The following SLC30A9 variants were observed in gnomAD, a reference collection of about 807,000 sequenced individuals.
SLC30A9 encodes proton-coupled zinc antiporter SLC30A9, mitochondrial.
In SLC30A9, 58 loss-of-function variants were observed where a neutral mutation model predicts 87.5. The ratio of observed to expected loss-of-function variants is 0.66; its 90% CI spans 0.54 to 0.82. The LOEUF (loss-of-function observed/expected upper bound fraction) is 0.82, where lower values mean the gene tolerates loss of function less well. Among genes scored for constraint, SLC30A9 ranks in the 40% least tolerant of loss-of-function variants. The pLI is 0.00. For synonymous variants in SLC30A9, 234 were observed against 233.0 expected (o/e 1.00, Z -0.04); for missense variants, 557 against 679.1 (o/e 0.82, Z 2.00).
intron 2 of SLC30A9, among the ~76,000 whole-genome samples, chr4:42,003,560 T>C (rs1715073124): frequency 6.6e-6 from 1 of 152,178 alleles, no homozygotes; most frequent in Non-Finnish European, 1.5e-5. Flanking sequence ...TGTTTTTCTT[T>C]AGTGAGCTCT....
chr4:42,003,997 G>A (rs1242061910), intron 2 of SLC30A9, among the ~76,000 whole-genome samples: 1 of 152,124 alleles, frequency 6.6e-6, no homozygotes, highest in Admixed American at 6.5e-5. Context: ...TATAAAGTAT[G>A]CATTGTTGCT....
At chr4:42,078,932 T>C (rs533105583) in intron 17 of SLC30A9, 1 of 152,312 alleles carries the variant, frequency 6.6e-6, no homozygotes, top group Non-Finnish European at 1.5e-5. Flanking sequence ...AAGGCAGTGC[T>C]TTTTCTGCAG....
chr4:42,084,026 G>A (rs1718831430), intron 17 of SLC30A9, among the ~76,000 whole-genome samples: 1 of 152,098 alleles, frequency 6.6e-6, no homozygotes, highest in African/African-American at 2.4e-5. Context: ...TTTTATAACT[G>A]GATGCCTTTA....
chr4:41,993,376 C>T (rs953470259), intron 1 of SLC30A9, among the ~76,000 whole-genome samples: 1 of 152,192 alleles, frequency 6.6e-6, no homozygotes, highest in Non-Finnish European at 1.5e-5. Flanking sequence ...ACAGTGACTA[C>T]TCAATTAGAT....
intron 10 of SLC30A9, among the ~76,000 whole-genome samples, chr4:42,061,905 A>C (rs1340095260): frequency 6.8e-6 from 1 of 146,438 alleles, no homozygotes; most frequent in African/African-American, 2.5e-5. Flanking sequence ...CGTTTCAAAA[A>C]AAAAAAATGT....
intron 10 of SLC30A9, among the ~76,000 whole-genome samples, chr4:42,060,792 C>A (rs1717812826): frequency 2.0e-5 from 3 of 152,038 alleles, no homozygotes; most frequent in African/African-American, 7.2e-5. Flanking sequence ...CCATCTAACA[C>A]TTTTGAATTC....
chr4:42,053,679 AGAGTGACTC>A (rs1441390399), intron 9 of SLC30A9, among the ~76,000 whole-genome samples: 1 of 130,260 alleles, frequency 7.7e-6, no homozygotes, highest in African/African-American at 3.1e-5. Context: ...CTGGATGACA[AGAGTGACTC>A]GGTCTCCAAA....
At position 42,070,528 on chromosome 4, in the gene SLC30A9, A is replaced by G; in HGVS notation, c.1255A>G (p.Asn419Asp). ...TCMGLTSITG[N>D]PLYDSLGSLG... Reference sequence around the variant, plus strand: ...ATTTTTTTATGTGCTTCATTTAGGCAATCCACTGTATGACAGCCTAGGTTC... The same window carrying G: ...ATTTTTTTATGTGCTTCATTTAGGCGATCCACTGTATGACAGCCTAGGTTC... Residue 419 changes from asparagine to aspartate, a missense_variant and splice_region_variant, in exon 15 of 18, where the codon AAT becomes GAT. Coordinates refer to ENST00000264451, the MANE Select transcript of SLC30A9 (RefSeq NM_006345.4). 6.2e-7 allele frequency: 1 copy of G among 1,609,332 alleles called. No individual in the cohort carries two copies. The highest frequency in any genetic ancestry group is 8.5e-7 in the Non-Finnish European group (1 of 1,177,412).
chr4:42,044,936 C>G (rs1376455505), intron 8 of SLC30A9, among the ~76,000 whole-genome samples: 1 of 152,176 alleles, frequency 6.6e-6, no homozygotes, highest in East Asian at 1.9e-4. Flanking sequence ...TACATGGAAA[C>G]TGAACAACCT....
In SLC30A9 at chr4:42,054,854, C is replaced by T. The variant is rs200995351; in HGVS notation, c.841-5337C>T. Among the ~76,000 whole-genome samples, 68 of 151,990 alleles carry T rather than the reference C, an allele frequency of 4.5e-4. 4 individuals carry two copies. Among genetic ancestry groups the T allele is most frequent in the Admixed American group, 3.5e-3 (53 of 15,274 alleles). ...GATAATAGTCTTGTGGCTGTATTTT[C>T]TAAAAAGCCTAGTTTTTAAAGAGAT... On this transcript the variant is annotated intron_variant, in intron 9 of 17. Transcript: ENST00000264451.
chr4:42,013,637 T>C (rs1196711713), intron 2 of SLC30A9, among the ~76,000 whole-genome samples: 1 of 152,096 alleles, frequency 6.6e-6, no homozygotes, highest in Non-Finnish European at 1.5e-5. Context: ...AAAACATACA[T>C]TGGGGAAAGG....
At chr4:42,020,971 C>A (rs1326123175) in intron 4 of SLC30A9, among the ~76,000 whole-genome samples, 2 of 152,234 alleles carry the variant, frequency 1.3e-5, no homozygotes, top group African/African-American at 4.8e-5. Context: ...TTACTACTTT[C>A]CAATATCTGT....
intron 1 of SLC30A9, among the ~76,000 whole-genome samples, chr4:41,997,237 A>C (rs1247626807): frequency 1.3e-5 from 2 of 151,630 alleles, no homozygotes; most frequent in African/African-American, 2.4e-5. Flanking sequence ...AGACTGAGCT[A>C]CTCCATCCAG....
chr4:42,087,898 GA>G lies in SLC30A9; in HGVS notation c.*1777del. The G allele has an allele frequency of 6.6e-6, 1 of 150,746 alleles. No individual in the cohort carries two copies. Among genetic ancestry groups the G allele is most frequent in the Non-Finnish European group, 1.5e-5 (1 of 67,872 alleles). The allele number at this position is 150,746 out of a possible 1,614,324, so 9.3% of individuals were successfully genotyped here. ...AGTTTCCTCCTAGTGATATTACTCT[GA>G]AAAATTTCACAAAGCCAGACAAGAA... On this transcript the variant is annotated 3_prime_UTR_variant, in exon 18 of 18. Transcript: ENST00000264451.
At chr4:42,081,779 C>T (rs1718747311) in intron 17 of SLC30A9, among the ~76,000 whole-genome samples, 2 of 151,748 alleles carry the variant, frequency 1.3e-5, no homozygotes, top group African/African-American at 4.9e-5. Context: ...AACAATCAGA[C>T]CTTATTGTTT....
At chr4:42,022,350 C>T (rs1413740042) in intron 4 of SLC30A9, among the ~76,000 whole-genome samples, 1 of 150,740 alleles carries the variant, frequency 6.6e-6, no homozygotes, top group African/African-American at 2.4e-5. Flanking sequence ...GCCTCAGCCT[C>T]CTGAGTAGCT....
chr4:42,044,912 C>CA (rs1159772879), intron 8 of SLC30A9, among the ~76,000 whole-genome samples: 1 of 152,178 alleles, frequency 6.6e-6, no homozygotes, highest in African/African-American at 2.4e-5. Context: ...GAAACTCACT[C>CA]AAAACCGCGC....
intron 8 of SLC30A9, among the ~76,000 whole-genome samples, chr4:42,049,105 GCGTGCA>G (rs1272707270): frequency 6.6e-6 from 1 of 152,064 alleles, no homozygotes; most frequent in African/African-American, 2.4e-5. Context: ...GGGACTAAAG[GCGTGCA>G]CTACCACACC....
chr4:42,024,872 T>C (rs1234076377), intron 6 of SLC30A9, among the ~76,000 whole-genome samples: 1 of 152,248 alleles, frequency 6.6e-6, no homozygotes, highest in Non-Finnish European at 1.5e-5. Context: ...TTATATGTTT[T>C]GTTCACTTTT....
Sources: gnomAD v4.1 joint callset for allele counts (sites outside exome capture counted in the v4.1 genomes callset) on GRCh38, gnomAD v4.1.1 for gene constraint, MANE v1.5 for transcripts, NCBI Gene and HGNC (gene_info 2026-07-23, HGNC 2026-07-21) for gene names.